The following PROM2 variants were observed in gnomAD, a reference collection of about 807,000 sequenced individuals.
PROM2 encodes prominin 2.
A neutral mutation model predicts 110.2 loss-of-function variants in PROM2; 90 were observed. The observed-to-expected ratio is 0.82, with a 90% CI of 0.69 to 0.97. The LOEUF is 0.97. Ranked by LOEUF, PROM2 falls within the 50% of genes least tolerant of loss-of-function variation. The pLI, the probability that PROM2 is intolerant of heterozygous loss-of-function variation, is 0.00. For synonymous variants in PROM2, 470 were observed against 467.8 expected (o/e 1.00, Z -0.06); for missense variants, 1,009 against 1,074.8 (o/e 0.94, Z 0.86).
intron 10 of PROM2, 133 bp from the exon 11 acceptor site, chr2:95,279,712 A>C: frequency 1.6e-6 from 1 of 642,026 alleles, no homozygotes; most frequent in Non-Finnish European, 2.3e-6. Context: ...GGCCTCAGGA[A>C]GAGTCTGTAT....
In PROM2 at chr2:95,281,998, G is replaced by A; in HGVS notation, c.1625G>A (p.Ser542Asn). The A allele has an allele frequency of 1.9e-6, 3 of 1,614,082 alleles. No individual in the cohort carries two copies. Among genetic ancestry groups the A allele is most frequent in the Non-Finnish European group, 2.5e-6 (3 of 1,179,966 alleles). The change falls in exon 13 of 24, where the codon AGC (serine) becomes AAC (asparagine). Residue 542 changes from serine to asparagine, a missense_variant. Ser to Asn is a conservative substitution (Grantham distance 46). Transcript: ENST00000317620. The part of the protein sequence containing the change: ...SQLLGLRKNI[S>N]IHQAYQQCKE... ...CTTCTTGGCCTGAGGAAGAACATCAGCATCCACCAAGCCTATCAGTGAGTG... is the reference window on the plus strand; with the variant it reads ...CTTCTTGGCCTGAGGAAGAACATCAACATCCACCAAGCCTATCAGTGAGTG...
intron 12 of PROM2, 26 bp from the exon 13 acceptor site, chr2:95,281,899 C>T (rs1296470843): frequency 6.3e-7 from 1 of 1,583,460 alleles, no homozygotes; most frequent in Non-Finnish European, 8.7e-7. Flanking sequence ...CCGCTCTGTG[C>T]CCATTTCTCA....
Position 95,289,101 on chromosome 2 carries a change from G to A in PROM2, c.*10+95G>A, listed in dbSNP as rs1677553849. ...GGTCTGGGGTTTCCAGGGCCTAGGA[G>A]GGCAGGAAGGCTTGGGGACATGGTG... On this transcript the variant is annotated intron_variant, in intron 23 of 23. Transcript: ENST00000317620. The A allele has an allele frequency of 3.9e-6, 4 of 1,036,400 alleles. No individual in the cohort carries two copies. The Admixed American group carries it at 5.6e-5, about 14-fold the overall frequency. 64.2% of individuals were successfully genotyped at this position (1,036,400 alleles called of 1,614,324 possible). A position where few individuals can be genotyped will look rare whatever the true frequency, so the allele number is the denominator to read the frequency against.
At chr2:95,286,446 G>C in intron 16 of PROM2, 33 bp from the exon 17 acceptor site, 4 of 1,595,998 alleles carry the variant, frequency 2.5e-6, no homozygotes, top group Non-Finnish European at 3.4e-6. Flanking sequence ...ATGGGTCCTG[G>C]GCGGGGCCGT....
chr2:95,276,197 A>G lies in PROM2; in HGVS notation c.498-30A>G. The G allele has an allele frequency of 6.2e-7, 1 of 1,613,594 alleles. No individual in the cohort carries two copies. Among genetic ancestry groups the G allele is most frequent in the Non-Finnish European group, 8.5e-7 (1 of 1,179,814 alleles). ...CCCCCAGGCTCCCTCTTACCCAGCA[A>G]GCACCTTCCTCCTCCCTCCATTCCC... On this transcript the variant is annotated intron_variant, in intron 3 of 23. Coordinates refer to ENST00000317620, the MANE Select transcript of PROM2 (RefSeq NM_001165978.3). The surrounding 1 kb of genome is among the most constrained non-coding windows in gnomAD (Gnocchi z 4.6).
chr2:95,287,290 G>A, intron 19 of PROM2, 77 bp downstream of exon 19: 3 of 1,463,802 alleles, frequency 2.0e-6, no homozygotes, highest in Non-Finnish European at 2.8e-6. Context: ...TGGCTCCCAG[G>A]AAAGCTGGGC....
intron 15 of PROM2, 76 bp from the exon 16 acceptor site, chr2:95,285,563 G>A: frequency 8.1e-7 from 1 of 1,230,602 alleles, no homozygotes; most frequent in Non-Finnish European, 1.2e-6. Context: ...CTGGGGATTT[G>A]GAGGCTGGGA....
chr2:95,281,885 C>G (rs1573454650), intron 12 of PROM2, 40 bp from the exon 13 acceptor site: 1 of 1,484,992 alleles, frequency 6.7e-7, no homozygotes, highest in African/African-American at 1.4e-5. Flanking sequence ...GCCTTGCCCC[C>G]ACCCCGCTCT....
Position 95,285,025 on chromosome 2 carries a change from G to A in PROM2, c.1785G>A (p.Leu595=). 1.2e-6 allele frequency: 2 copies of A among 1,605,450 alleles called. No individual in the cohort carries two copies. The highest frequency in any genetic ancestry group is 1.7e-6 in the Non-Finnish European group (2 of 1,175,724). The change falls in exon 15 of 24, where the codon CTG becomes CTA. Residue 595 remains leucine, a synonymous_variant. Transcript: ENST00000317620. ...LQSLKVDTQS[L]DLLSSAARRD... ...GCCTGAAAGTAGACACACAGAGCCT[G>A]GACCTGCTGAGCTCAGCCGCCCGCC...
Position 95,281,154 on chromosome 2 carries a change from G to A in PROM2, c.1428-88G>A, listed in dbSNP as rs1265717480. ...GTGCTGGGGCCAACTGGCTGAGCAGGCTGGCCCTGGGGTGAGGGTGGGACA... is the reference window on the plus strand; with the variant it reads ...GTGCTGGGGCCAACTGGCTGAGCAGACTGGCCCTGGGGTGAGGGTGGGACA... On this transcript the variant is annotated intron_variant, in intron 11 of 23. Coordinates refer to ENST00000317620, the MANE Select transcript of PROM2 (RefSeq NM_001165978.3). The A allele has an allele frequency of 1.2e-5, 19 of 1,534,892 alleles. No homozygotes were observed. In the East Asian group the frequency reaches 3.4e-4, roughly 28 times the overall value.
intron 14 of PROM2, among the ~76,000 whole-genome samples, chr2:95,283,231 C>T (rs1677151480): frequency 1.3e-5 from 2 of 152,238 alleles, no homozygotes. Context: ...CCCCCATCCT[C>T]TACTGGCAGG....
At position 95,285,121 on chromosome 2, in the gene PROM2, C is replaced by T. The variant is rs762737391; in HGVS notation, c.1875+6C>T. 6.4e-5 allele frequency: 99 copies of T among 1,555,114 alleles called. No individual in the cohort carries two copies. The highest frequency in any genetic ancestry group is 2.4e-4 in the East Asian group (10 of 42,028). On this transcript the variant is annotated splice_donor_region_variant and intron_variant, in intron 15 of 23. Transcript: ENST00000317620. ...ACCCCGACTTCCTCGTTCAGGTCAG[C>T]GGTGGGCACCTCAGCAGGGCTTCCT...
chr2:95,290,413 G>A lies in PROM2; in HGVS notation c.*1200G>A, dbSNP rs1242589296. 2 of 152,180 alleles carry A rather than the reference G, an allele frequency of 1.3e-5. No individual in the cohort carries two copies. Among genetic ancestry groups the A allele is most frequent in the East Asian group, 1.9e-4 (1 of 5,182 alleles). 9.4% of individuals were successfully genotyped at this position (152,180 alleles called of 1,614,324 possible). A position where few individuals can be genotyped will look rare whatever the true frequency, so the allele number is the denominator to read the frequency against. On this transcript the variant is annotated 3_prime_UTR_variant, in exon 24 of 24. Transcript: ENST00000317620. ...GTGTTTATGGAGAGGAGAGTTCTAA[G>A]GTCACCTCTGGCTGCAGGCATCCAG...
rs1471643963 is a variant in PROM2, at chr2:95,275,745, G to T, written c.295-185G>T. 2.1e-6 allele frequency: 3 copies of T among 1,453,318 alleles called. No individual in the cohort carries two copies. In the Admixed American group the frequency reaches 7.4e-5, roughly 36 times the overall value. The allele number at this position is 1,453,318 out of a possible 1,614,324, so 90.0% of individuals were successfully genotyped here. ...GGGAGCTGGAACTTCCTGAACTTCA[G>T]CTTCCTCCTGTGTAAGATGGTGATG... On this transcript the variant is annotated intron_variant, in intron 2 of 23. Transcript: ENST00000317620. The surrounding 1 kb of genome is among the most constrained non-coding windows in gnomAD (Gnocchi z 4.4).
chr2:95,274,712 C>G lies in PROM2; in HGVS notation c.127C>G (p.Pro43Ala). 1 of 1,612,696 alleles carries G rather than the reference C, an allele frequency of 6.2e-7. No individual in the cohort carries two copies. The highest frequency in any genetic ancestry group is 8.5e-7 in the Non-Finnish European group (1 of 1,179,938). The change falls in exon 1 of 24, where the codon CCA (proline) becomes GCA (alanine). Residue 43 changes from proline (P) to alanine (A), a missense_variant. Pro to Ala is a conservative substitution (Grantham distance 27). Coordinates refer to ENST00000317620, the MANE Select transcript of PROM2 (RefSeq NM_001165978.3). Reference protein sequence around the residue: ...LGPAEHLTFTPAARARWLAPR... With the variant: ...LGPAEHLTFTAAARARWLAPR... ...CCCGGCAGAGCACCTGACATTCACC[C>G]CAGCAGCCAGGGCCCGGTGGCTGGC...
At chr2:95,279,804 C>CA in intron 10 of PROM2, 41 bp from the exon 11 acceptor site, 1 of 1,378,216 alleles carries the variant, frequency 7.3e-7, no homozygotes, top group Non-Finnish European at 9.5e-7. Flanking sequence ...TGGTGCCAGC[C>CA]ACCTCCTTTC....
At position 95,275,468 on chromosome 2, in the gene PROM2, A is replaced by T. The variant is rs529831654; in HGVS notation, c.252A>T (p.Val84=). 3 of 1,613,142 alleles carry T rather than the reference A, an allele frequency of 1.9e-6. No homozygotes were observed. Among genetic ancestry groups the T allele is most frequent in the Admixed American group, 3.3e-5 (2 of 59,900 alleles). ...VQLNPFPSEL[V]KALLNELASV... ...CTTGGCTCTTTCCCATAGAGTTGGT[A>T]AAGGCCCTACTGAATGAGCTGGCCT... The change falls in exon 2 of 24, where the codon GTA becomes GTT. Residue 84 remains valine (V), a synonymous_variant. Coordinates refer to ENST00000317620, the MANE Select transcript of PROM2 (RefSeq NM_001165978.3). The surrounding 1 kb of genome is among the most constrained non-coding windows in gnomAD (Gnocchi z 4.4).
Position 95,274,691 on chromosome 2 carries a change from G to A in PROM2, c.106G>A (p.Ala36Thr). Residue 36 changes from alanine (A) to threonine (T), a missense_variant, in exon 1 of 24, where the codon GCA becomes ACA. Transcript: ENST00000317620. ...CACAGACTGCAAGTTCCTTGGCCCG[G>A]CAGAGCACCTGACATTCACCCCAGC... ...GATDCKFLGP[A>T]EHLTFTPAAR... 1 of 1,612,808 alleles carries A rather than the reference G, an allele frequency of 6.2e-7. No homozygotes were observed. Among genetic ancestry groups the A allele is most frequent in the Non-Finnish European group, 8.5e-7 (1 of 1,179,898 alleles).
At position 95,277,486 on chromosome 2, in the gene PROM2, C is replaced by T; in HGVS notation, c.895C>T (p.Gln299Ter). The change falls in exon 7 of 24, where the codon CAG (glutamine) becomes TAG (stop). Residue 299 changes from glutamine to a stop codon, truncating the protein, a stop_gained. Coordinates refer to ENST00000317620, the MANE Select transcript of PROM2 (RefSeq NM_001165978.3). LOFTEE classifies it high-confidence loss of function. ...CCGGGACCGCCTCCTTGAGCTGCTG[C>T]AGGAGGCCAGGTGCCAGGGAGATTG... The part of the protein sequence containing the change: ...EHRDRLLELL[Q>*]EARCQGDCAG... The T allele has an allele frequency of 1.2e-6, 2 of 1,612,122 alleles. No homozygotes were observed. The highest frequency in any genetic ancestry group is 1.7e-6 in the Non-Finnish European group (2 of 1,179,576).
Sources: gnomAD v4.1 joint callset for allele counts (sites outside exome capture counted in the v4.1 genomes callset) on GRCh38, gnomAD v4.1.1 for gene constraint, Gnocchi (gnomAD v3.1) non-coding constraint, MANE v1.5 for transcripts, NCBI Gene and HGNC (gene_info 2026-07-23, HGNC 2026-07-21) for gene names.